The following CELF2 variants were observed in gnomAD, a reference collection of about 807,000 sequenced individuals.
CELF2 encodes CUG triplet repeat RNA-binding protein 2.
In CELF2, 8 loss-of-function variants were observed where a neutral mutation model predicts 62.6. The observed-to-expected ratio is 0.13, with a 90% confidence interval of 0.07 to 0.23. CELF2 has a LOEUF of 0.23. CELF2 is among the 10% of genes least tolerant of loss of function. CELF2 has a pLI of 1.00. For missense variants in CELF2, 333 were observed against 671.0 expected (o/e 0.50, Z 5.56); for synonymous variants, 258 against 250.0 (o/e 1.03, Z -0.30).
the CELF2 span, among the ~76,000 whole-genome samples, chr10:10,616,711 TGTGTGTGTGA>T: frequency 3.9e-5 from 5 of 129,728 alleles, 1 homozygote; most frequent in South Asian, 3.1e-4. Context: ...TGTGTGTGTG[TGTGTGTGTGA>T]GAGAGAGAGA....
At position 10,826,893 on chromosome 10, in the gene CELF2, G is replaced by A. The variant is rs114736058; in HGVS notation, c.53+28076G>A. On this transcript the variant is annotated intron_variant, in intron 1 of 13. Coordinates refer to the CELF2 transcript ENST00000636488. ...GAGTGGCTAGCCTTTAGAATCCAGA[G>A]ATGTGGATGTCTTAATGTACAAATG... Among the ~76,000 whole-genome samples the A allele has an allele frequency of 6.4e-3, 968 of 152,240 alleles. 10 individuals are homozygous for A. Among genetic ancestry groups the A allele is most frequent in the African/African-American group, 0.022 (929 of 41,536 alleles).
chr10:11,082,077 C>A (rs2074176940), intron 1 of CELF2, among the ~76,000 whole-genome samples: 1 of 152,084 alleles, frequency 6.6e-6, no homozygotes, highest in Non-Finnish European at 1.5e-5. Context: ...GGGCTGCATC[C>A]CTTGCTTCTG....
rs2066727560 is a variant in CELF2 at position 11,165,274 on chromosome 10, C to T, written c.75-212C>T. 2 of 1,387,724 alleles carry T rather than the reference C, an allele frequency of 1.4e-6. No homozygotes were observed. Among genetic ancestry groups the T allele is most frequent in the Non-Finnish European group, 1.9e-6 (2 of 1,071,180 alleles). The allele number at this position is 1,387,724 out of a possible 1,614,324, so 86.0% of individuals were successfully genotyped here. On this transcript the variant is annotated intron_variant, in intron 1 of 12. Transcript: ENST00000633077. The surrounding 1 kb of genome is among the most constrained non-coding windows in gnomAD (Gnocchi z 7.4). The stretch of plus-strand genomic sequence containing the variant: ...GTGCTCCCCCGGCTCTGCTCGACAG[C>T]AGCACGCAGTGAGAGCCTCGCCGCC...
chr10:11,142,330 G>C (rs1265586285), intron 1 of CELF2, among the ~76,000 whole-genome samples: 1 of 152,148 alleles, frequency 6.6e-6, no homozygotes, highest in Non-Finnish European at 1.5e-5. Context: ...AATAGGGTAA[G>C]AACTGAAAGT....
the CELF2 span, chr10:10,786,709 TG>T: frequency 6.6e-6 from 1 of 152,144 alleles, no homozygotes; most frequent in African/African-American, 2.4e-5. Context: ...CATCCTGAGG[TG>T]GTCTGCCATC....
chr10:10,930,527 T>C (rs1431605881), intron 2 of CELF2, among the ~76,000 whole-genome samples: 2 of 152,234 alleles, frequency 1.3e-5, no homozygotes, highest in Non-Finnish European at 2.9e-5. Flanking sequence ...TTTTGTGCAG[T>C]AGTGGAACTT....
upstream of CELF2, among the ~76,000 whole-genome samples, chr10:10,795,962 A>G (rs916866415): frequency 4.6e-5 from 7 of 151,952 alleles, no homozygotes; most frequent in Non-Finnish European, 5.9e-5. Context: ...CCCCAACCCC[A>G]TCCCCACCCC....
the CELF2 span, among the ~76,000 whole-genome samples, chr10:10,722,337 A>T: frequency 6.6e-6 from 1 of 151,892 alleles, no homozygotes; most frequent in Non-Finnish European, 1.5e-5. Context: ...AAAAAACTTA[A>T]AAAAAAACGC....
chr10:11,198,202 G>T (rs991162619), intron 2 of CELF2, among the ~76,000 whole-genome samples: 1 of 152,180 alleles, frequency 6.6e-6, no homozygotes, highest in Non-Finnish European at 1.5e-5. Context: ...TTATCTCCTG[G>T]TGTTCCAGCT....
chr10:11,176,279 A>G (rs940013081), intron 2 of CELF2, among the ~76,000 whole-genome samples: 2 of 152,208 alleles, frequency 1.3e-5, no homozygotes, highest in Non-Finnish European at 1.5e-5. Flanking sequence ...AGGGTTCTCC[A>G]TTAAATCCAA....
rs1246241591 is a variant in CELF2, at chr10:10,972,714, A to C, written c.89+52715A>C. Among the ~76,000 whole-genome samples, 1 of 152,098 alleles carries C rather than the reference A, an allele frequency of 6.6e-6. No homozygotes were observed. The highest frequency in any genetic ancestry group is 1.5e-5 in the Non-Finnish European group (1 of 68,012). On this transcript the variant is annotated intron_variant, in intron 2 of 13. Coordinates refer to the CELF2 transcript ENST00000636488. This position sits in a 1 kb window ranked among gnomAD's most constrained non-coding sequence, Gnocchi z 4.4. ...CACCTGGCTGCTCCTGGGGCACTTC[A>C]AACTCAACGAGCCTCCAACTCACAA...
At chr10:11,257,594 G>A in intron 4 of CELF2, 144 bp from the exon 5 acceptor site, 1 of 784,158 alleles carries the variant, frequency 1.3e-6, no homozygotes, top group South Asian at 1.8e-5. Flanking sequence ...GAGGGAGGAG[G>A]ACAGCTGGAC....
intron 3 of CELF2, among the ~76,000 whole-genome samples, chr10:11,235,973 G>C (rs1157653765): frequency 1.3e-5 from 2 of 152,204 alleles, no homozygotes; most frequent in Non-Finnish European, 2.9e-5. Context: ...AAAGATTGCT[G>C]AGTGAGGTGT....
At chr10:10,666,563 ATG>A in the CELF2 span, among the ~76,000 whole-genome samples, 1 of 152,112 alleles carries the variant, frequency 6.6e-6, no homozygotes, top group African/African-American at 2.4e-5. Flanking sequence ...GAGGATGATT[ATG>A]TGTTTGTAAG....
the CELF2 span, among the ~76,000 whole-genome samples, chr10:10,589,331 A>G: frequency 2.0e-5 from 3 of 152,206 alleles, no homozygotes; most frequent in African/African-American, 7.2e-5. Context: ...ATAGATGGCA[A>G]ATGTTTCTTA....
intron 2 of CELF2, among the ~76,000 whole-genome samples, chr10:10,944,878 T>C (rs35548177): frequency 2.0e-5 from 3 of 152,084 alleles, no homozygotes; most frequent in Admixed American, 6.6e-5. Flanking sequence ...GCTGGAATTA[T>C]AGGCATGAGT....
intron 1 of CELF2, among the ~76,000 whole-genome samples, chr10:11,044,459 C>G (rs1478402290): frequency 6.6e-6 from 1 of 152,080 alleles, no homozygotes; most frequent in African/African-American, 2.4e-5. Context: ...TTACATCTTG[C>G]AAAAGACTTC....
the CELF2 span, among the ~76,000 whole-genome samples, chr10:10,516,495 AT>A: frequency 6.6e-6 from 1 of 152,142 alleles, no homozygotes; most frequent in Non-Finnish European, 1.5e-5. Context: ...ACTGATTGCT[AT>A]GTGGTAAGGG....
At chr10:10,948,054 G>A (rs907897694) in intron 2 of CELF2, among the ~76,000 whole-genome samples, 12 of 152,156 alleles carry the variant, frequency 7.9e-5, no homozygotes, top group Non-Finnish European at 7.4e-5. Flanking sequence ...ATTCCAGAGG[G>A]GCTGGGCCTC....
Sources: gnomAD v4.1 joint callset for allele counts (sites outside exome capture counted in the v4.1 genomes callset) on GRCh38, gnomAD v4.1.1 for gene constraint, Gnocchi (gnomAD v3.1) non-coding constraint, MANE v1.5 for transcripts, NCBI Gene and HGNC (gene_info 2026-07-23, HGNC 2026-07-21) for gene names.